The following PLOD2 variants were observed in gnomAD, a reference collection of about 807,000 sequenced individuals.
PLOD2 encodes the protein procollagen-lysine,2-oxoglutarate 5-dioxygenase 2, also known as lysine hydroxylase 2.
Under a neutral mutation model 101.0 loss-of-function variants are expected in PLOD2, and 65 were observed. That is an observed-to-expected ratio of 0.64 (90% confidence interval 0.53 to 0.79). The LOEUF (loss-of-function observed/expected upper bound fraction) is 0.79. Ranked by LOEUF, PLOD2 falls within the 30% of genes least tolerant of loss-of-function variation. PLOD2 has a pLI of 0.00. For missense variants in PLOD2, 909 were observed against 914.6 expected (o/e 0.99, Z 0.08); for synonymous variants, 314 against 302.9 (o/e 1.04, Z -0.38).
At chr3:146,144,201 C>T (rs916421258) in intron 1 of PLOD2, among the ~76,000 whole-genome samples, 6 of 151,730 alleles carry the variant, frequency 4.0e-5, no homozygotes, top group Non-Finnish European at 5.9e-5. Context: ...ATTTGTTTAC[C>T]GTCCTTTCTA....
intron 15 of PLOD2, among the ~76,000 whole-genome samples, chr3:146,075,087 T>G (rs1936283448): frequency 6.6e-6 from 1 of 151,250 alleles, no homozygotes; most frequent in African/African-American, 2.4e-5. Context: ...GATTCAATGG[T>G]GAAGTGAAAT....
chr3:146,099,336 A>T (rs1459188532), intron 7 of PLOD2, among the ~76,000 whole-genome samples: 1 of 152,130 alleles, frequency 6.6e-6, no homozygotes, highest in Non-Finnish European at 1.5e-5. Flanking sequence ...ATCACGTTGA[A>T]ATCACTGAAC....
At chr3:146,115,989 C>A (rs772748093) in intron 3 of PLOD2, among the ~76,000 whole-genome samples, 51 of 152,150 alleles carry the variant, frequency 3.4e-4, no homozygotes, top group Middle Eastern at 3.4e-3. Context: ...TCCCATATAG[C>A]CAAAAAAGAA....
intron 1 of PLOD2, among the ~76,000 whole-genome samples, chr3:146,133,852 C>G (rs1051870061): frequency 6.6e-6 from 1 of 152,118 alleles, no homozygotes; most frequent in Admixed American, 6.5e-5. Flanking sequence ...TGTGAGATGG[C>G]TGACCAAACC....
At position 146,151,847 on chromosome 3, in the gene PLOD2, G is replaced by A. The variant is rs548490579; in HGVS notation, c.109+9034C>T. ...AAAGCAACAGAACACAGACTAGCCA[G>A]TCAATAAATACTCCAATTATTTTTT... On this transcript the variant is annotated intron_variant, in intron 1 of 19. Transcript: ENST00000282903. 1.2e-4 allele frequency among the ~76,000 whole-genome samples: 18 copies of A among 152,236 alleles called. No individual in the cohort carries two copies. In the South Asian group the frequency reaches 3.5e-3, roughly 30 times the overall value.
chr3:146,137,722 G>A (rs1481779607), intron 1 of PLOD2, among the ~76,000 whole-genome samples: 1 of 152,158 alleles, frequency 6.6e-6, no homozygotes, highest in African/African-American at 2.4e-5. Flanking sequence ...TTTGTATGGG[G>A]AGCTCCTGGG....
intron 15 of PLOD2, among the ~76,000 whole-genome samples, chr3:146,073,874 C>T (rs1331220461): frequency 6.6e-6 from 1 of 151,522 alleles, no homozygotes; most frequent in Non-Finnish European, 1.5e-5. Flanking sequence ...AACTAATTAA[C>T]TAGGGTCTGT....
intron 1 of PLOD2, among the ~76,000 whole-genome samples, chr3:146,156,726 T>G (rs1184048014): frequency 6.6e-6 from 1 of 152,262 alleles, no homozygotes; most frequent in African/African-American, 2.4e-5. Context: ...GCTTTCCTTT[T>G]GTTTCTCTAA....
chr3:146,106,433 C>T (rs979202665), intron 5 of PLOD2, 99 bp downstream of exon 5: 5 of 749,792 alleles, frequency 6.7e-6, no homozygotes, highest in Admixed American at 3.7e-5. Flanking sequence ...ATTTGCCATA[C>T]TATCATAAAA....
intron 1 of PLOD2, among the ~76,000 whole-genome samples, chr3:146,158,800 T>A (rs187031533): frequency 6.6e-6 from 1 of 152,090 alleles, no homozygotes; most frequent in Non-Finnish European, 1.5e-5. Context: ...AAAATGTCAA[T>A]AGGGCCAAGA....
intron 3 of PLOD2, among the ~76,000 whole-genome samples, chr3:146,114,823 T>C (rs1292177627): frequency 6.6e-6 from 1 of 152,138 alleles, no homozygotes; most frequent in Non-Finnish European, 1.5e-5. Context: ...AGGATTCCCA[T>C]ATGATGGTGA....
chr3:146,071,360 CA>C lies in PLOD2; in HGVS notation c.1911del (p.Asp638IlefsTer19). 1 of 1,611,894 alleles carries C rather than the reference CA, an allele frequency of 6.2e-7. No homozygotes were observed. The highest frequency in any genetic ancestry group is 8.5e-7 in the Non-Finnish European group (1 of 1,178,484). On this transcript the variant is annotated frameshift_variant, in exon 18 of 20. Transcript: ENST00000282903. LOFTEE classifies it high-confidence loss of function. ...AAATGAAGCCATACATTCTCCAGAT[CA>C]ACTTGCTTCATGTGGATATCATCAG... ...VPTDDIHMKQ[V>X]DLENVWLHFI...
chr3:146,136,229 T>G (rs2031220702), intron 1 of PLOD2, among the ~76,000 whole-genome samples: 1 of 152,158 alleles, frequency 6.6e-6, no homozygotes, highest in Non-Finnish European at 1.5e-5. Flanking sequence ...TTTTTTACAC[T>G]GATATCTTGT....
chr3:146,135,531 G>A (rs929959940), intron 1 of PLOD2, among the ~76,000 whole-genome samples: 2 of 152,012 alleles, frequency 1.3e-5, no homozygotes, highest in Non-Finnish European at 2.9e-5. Flanking sequence ...TGCCAAGTTG[G>A]AGATCTAAAA....
At chr3:146,146,573 G>C (rs932999139) in intron 1 of PLOD2, among the ~76,000 whole-genome samples, 2 of 152,154 alleles carry the variant, frequency 1.3e-5, no homozygotes, top group Non-Finnish European at 2.9e-5. Flanking sequence ...ATGGACAGCA[G>C]CAAAGGCTGT....
chr3:146,151,991 A>C (rs570665085), intron 1 of PLOD2, among the ~76,000 whole-genome samples: 1 of 152,358 alleles, frequency 6.6e-6, no homozygotes, highest in South Asian at 2.1e-4. Context: ...ATTATGAGGG[A>C]ATTTGTAAAG....
intron 1 of PLOD2, among the ~76,000 whole-genome samples, chr3:146,158,750 T>TGTTTA (rs1344368566): frequency 9.9e-4 from 150 of 151,924 alleles, no homozygotes; most frequent in African/African-American, 3.5e-3. Context: ...TAAACATCAA[T>TGTTTA]GCACAGGATA....
chr3:146,075,979 G>C (rs1936318724), intron 15 of PLOD2: 1 of 151,462 alleles, frequency 6.6e-6, no homozygotes, highest in Non-Finnish European at 1.5e-5. Flanking sequence ...GAGTATATGT[G>C]CAGGTTTGTT....
intron 1 of PLOD2, among the ~76,000 whole-genome samples, chr3:146,128,867 T>G (rs1029540552): frequency 4.1e-5 from 6 of 146,014 alleles, no homozygotes; most frequent in Non-Finnish European, 6.0e-5. Flanking sequence ...GCTTCTGAAG[T>G]CCATCTGAAA....
Sources: gnomAD v4.1 joint callset for allele counts (sites outside exome capture counted in the v4.1 genomes callset) on GRCh38, gnomAD v4.1.1 for gene constraint, MANE v1.5 for transcripts, NCBI Gene and HGNC (gene_info 2026-07-23, HGNC 2026-07-21) for gene names.